OVCH1: variants seen among roughly 807,000 people sequenced by gnomAD.
OVCH1 encodes ovochymase-1.
Under a neutral mutation model 138.4 loss-of-function variants are expected in OVCH1, and 139 were observed. That is an observed-to-expected ratio of 1.00 (90% CI 0.87 to 1.16). The LOEUF (loss-of-function observed/expected upper bound fraction) is 1.16, where lower values mean the gene tolerates loss of function less well. Ranked by LOEUF, OVCH1 falls within the 50% of genes most tolerant of loss-of-function variation. The pLI, the probability that OVCH1 is intolerant of heterozygous loss-of-function variation, is 0.00. For missense variants in OVCH1, 1,367 were observed against 1,357.9 expected (o/e 1.01, Z -0.11); for synonymous variants, 453 against 467.8 (o/e 0.97, Z 0.41).
chr12:29,473,946 A>G (rs112590045), intron 14 of OVCH1, among the ~76,000 whole-genome samples: 6,193 of 152,162 alleles, frequency 0.041, 163 homozygotes, highest in East Asian at 0.07. Flanking sequence ...TTCCTGCCCT[A>G]GAACACTGGA....
Position 29,433,764 on chromosome 12 carries a change from G to T in OVCH1, c.3314C>A (p.Ser1105Ter). Residue 1105 changes from serine (S) to a stop codon, truncating the protein, a stop_gained, in exon 27 of 28, where the codon TCA becomes TAA. Coordinates refer to ENST00000318184, the Ensembl canonical transcript of OVCH1. LOFTEE classifies it high-confidence loss of function. ...TGATATACTTACATAACTTAAATTT[G>T]ATGCAAATTTCTTCTGTTTTCTTTT... is the stretch of plus-strand genomic sequence containing the variant. 7.0e-7 allele frequency: 1 copy of T among 1,422,274 alleles called. No homozygotes were observed. Among genetic ancestry groups the T allele is most frequent in the Admixed American group, 2.3e-5 (1 of 42,912 alleles). The allele number at this position is 1,422,274 out of a possible 1,614,324, so 88.1% of individuals were successfully genotyped here.
At chr12:29,417,178 G>A (rs1468514569) in intron 3 of OVCH1, among the ~76,000 whole-genome samples, 1 of 152,084 alleles carries the variant, frequency 6.6e-6, no homozygotes, top group Non-Finnish European at 1.5e-5. Flanking sequence ...GGGAAAGGGT[G>A]AAGTGGGTTT....
chr12:29,429,491 T>C (rs899598151), intron 27 of OVCH1, among the ~76,000 whole-genome samples: 1 of 152,236 alleles, frequency 6.6e-6, no homozygotes, highest in African/African-American at 2.4e-5. Context: ...GTATATTCAT[T>C]ATATAAATAC....
At chr12:29,429,832 T>G (rs1169840588) in intron 27 of OVCH1, among the ~76,000 whole-genome samples, 1 of 152,242 alleles carries the variant, frequency 6.6e-6, no homozygotes, top group Non-Finnish European at 1.5e-5. Context: ...CTAATTGGAA[T>G]GTCTACAAGT....
Position 29,496,551 on chromosome 12 carries a change from C to T in OVCH1, c.183+5G>A, listed in dbSNP as rs1226583463. On this transcript the variant is annotated splice_donor_5th_base_variant and intron_variant, in intron 2 of 27. Transcript: ENST00000318184. ...TTAAGAAATCAATGCCTTTGTTGCA[C>T]TGACCTGCCATGGATGTCCAGTCAC... 1 of 1,577,282 alleles carries T rather than the reference C, an allele frequency of 6.3e-7. No individual in the cohort carries two copies. The highest frequency in any genetic ancestry group is 2.2e-5 in the East Asian group (1 of 44,736).
exon 22 of OVCH1, chr12:29,451,449 A>T: frequency 6.2e-7 from 1 of 1,613,346 alleles, no homozygotes; most frequent in Non-Finnish European, 8.5e-7. Context: ...AAATTTTGCC[A>T]TACTGCTTGC....
At chr12:29,466,583 T>C (rs552279860) in intron 16 of OVCH1, among the ~76,000 whole-genome samples, 110 of 152,288 alleles carry the variant, frequency 7.2e-4, no homozygotes, top group African/African-American at 2.4e-3. Context: ...AGAATGCTGA[T>C]TACTTTTAGG....
intron 21 of OVCH1, among the ~76,000 whole-genome samples, chr12:29,453,590 T>G (rs1339312592): frequency 6.6e-6 from 1 of 152,062 alleles, no homozygotes. Flanking sequence ...TAATACTCCT[T>G]CCACCTTTTG....
At chr12:29,488,721 T>C (rs540975980) in intron 6 of OVCH1, among the ~76,000 whole-genome samples, 3 of 152,010 alleles carry the variant, frequency 2.0e-5, no homozygotes, top group South Asian at 4.2e-4. Flanking sequence ...TCAATAACAT[T>C]CCAGAATCTA....
chr12:29,412,069 T>C (rs569229586), downstream of OVCH1, among the ~76,000 whole-genome samples: 1 of 152,192 alleles, frequency 6.6e-6, no homozygotes, highest in African/African-American at 2.4e-5. Flanking sequence ...ACTGCTGTGC[T>C]AGCAATCAGC....
the OVCH1 span, among the ~76,000 whole-genome samples, chr12:29,407,212 T>C: frequency 2.4e-4 from 34 of 140,122 alleles, no homozygotes; most frequent in East Asian, 5.8e-3. Context: ...ATTAGCCCTT[T>C]GTCAGATGAG....
At chr12:29,493,026 C>G (rs887712767) in intron 4 of OVCH1, among the ~76,000 whole-genome samples, 2 of 152,030 alleles carry the variant, frequency 1.3e-5, no homozygotes, top group Admixed American at 6.6e-5. Context: ...GTGACAAGAC[C>G]AAATTTATGG....
chr12:29,411,839 C>CATGCTGGGAGAACCA (rs1565559232), downstream of OVCH1, among the ~76,000 whole-genome samples: 16 of 150,946 alleles, frequency 1.1e-4, no homozygotes, highest in East Asian at 2.0e-4. Flanking sequence ...TTCAAAGCTG[C>CATGCTGGGAGAACCA]CAGACAGGGA....
At chr12:29,433,207 A>G (rs1941300293) in intron 27 of OVCH1, among the ~76,000 whole-genome samples, 2 of 152,094 alleles carry the variant, frequency 1.3e-5, no homozygotes, top group Admixed American at 6.5e-5. Flanking sequence ...CTCACCTTGA[A>G]TTGTAGCTTC....
At chr12:29,493,939 G>T (rs552881168) in intron 4 of OVCH1, among the ~76,000 whole-genome samples, 8 of 152,270 alleles carry the variant, frequency 5.3e-5, no homozygotes, top group African/African-American at 1.9e-4. Flanking sequence ...TTCTCTCAGA[G>T]AATTTATTTT....
chr12:29,489,414 G>T (rs1188171566), intron 6 of OVCH1, among the ~76,000 whole-genome samples: 1 of 152,178 alleles, frequency 6.6e-6, no homozygotes, highest in Non-Finnish European at 1.5e-5. Flanking sequence ...TAAAAGAAGT[G>T]TAGGGGTAGG....
intron 25 of OVCH1, among the ~76,000 whole-genome samples, chr12:29,440,217 T>G (rs1011345001): frequency 6.6e-6 from 1 of 152,220 alleles, no homozygotes; most frequent in African/African-American, 2.4e-5. Context: ...CCCCAGAGCT[T>G]GTAAACCTTA....
At position 29,456,193 on chromosome 12, in the gene OVCH1, T is replaced by C. The variant is rs138376187; in HGVS notation, c.2281-788A>G. Among the ~76,000 whole-genome samples, 7 of 152,296 alleles carry C rather than the reference T, an allele frequency of 4.6e-5. No individual in the cohort carries two copies. The East Asian group carries it at 1.4e-3, about 29-fold the overall frequency. ...AGTGACCTGTCCCATTTCACACACATAGGTAGTAGCAGCAGTAAAATCTGA... is the reference window on the plus strand; with the variant it reads ...AGTGACCTGTCCCATTTCACACACACAGGTAGTAGCAGCAGTAAAATCTGA... On this transcript the variant is annotated intron_variant, in intron 19 of 27. Transcript: ENST00000318184.
intron 8 of OVCH1, among the ~76,000 whole-genome samples, chr12:29,484,444 A>G (rs893317795): frequency 6.6e-6 from 1 of 152,220 alleles, no homozygotes; most frequent in Non-Finnish European, 1.5e-5. Context: ...CAATCAAAAA[A>G]TATCAGATAA....
Sources: allele counts gnomAD v4.1 joint callset (sites outside exome capture counted in the v4.1 genomes callset), GRCh38; gene constraint gnomAD v4.1.1; transcripts MANE v1.5; gene names NCBI Gene and HGNC (gene_info 2026-07-23, HGNC 2026-07-21).